Variants in CLU observed in about 807,000 individuals in gnomAD.
CLU encodes clusterin, also known as aging-associated protein 4.
A neutral mutation model predicts 46.4 loss-of-function variants in CLU; 25 were observed. The ratio of observed to expected loss-of-function variants is 0.54; its 90% confidence interval spans 0.39 to 0.75. The LOEUF is 0.75. Ranked by LOEUF, CLU falls within the 30% of genes least tolerant of loss-of-function variation. The pLI, the probability that CLU is intolerant of heterozygous loss-of-function variation, is 0.00. For synonymous variants in CLU, 235 were observed against 235.1 expected, an observed-to-expected ratio of 1.00 and a Z score of 0.00; for missense variants, 504 against 592.1, an observed-to-expected ratio of 0.85 and a Z score of 1.54.
intron 2 of CLU, 114 bp from the exon 3 acceptor site, chr8:27,609,200 G>A: frequency 8.8e-7 from 1 of 1,141,498 alleles, no homozygotes; most frequent in Admixed American, 1.7e-5. Context: ...GTCAAGGCTG[G>A]GACCCCCACT....
At position 27,597,370 on chromosome 8, in the gene CLU, C is replaced by G; in HGVS notation, c.*871G>C. 1 of 454,500 alleles carries G rather than the reference C, an allele frequency of 2.2e-6. No individual in the cohort carries two copies. The highest frequency in any genetic ancestry group is 1.6e-5 in the South Asian group (1 of 64,470). 28.2% of individuals were successfully genotyped at this position (454,500 alleles called of 1,614,324 possible). A position where few individuals can be genotyped will look rare whatever the true frequency, so the allele number is the denominator to read the frequency against. On this transcript the variant is annotated 3_prime_UTR_variant, in exon 9 of 9. Transcript: ENST00000316403. ...TACTGCAGCCCAGCTATGGTTCAGA[C>G]TAAAAGCCGAGAAACGCCTGTGGTC... is the stretch of plus-strand genomic sequence containing the variant.
At position 27,599,423 on chromosome 8, in the gene CLU, T is replaced by G. The variant is rs1279002834; in HGVS notation, c.1164+357A>C. 2.0e-5 allele frequency: 6 copies of G among 306,750 alleles called. No individual in the cohort carries two copies. Among genetic ancestry groups the G allele is most frequent in the Non-Finnish European group, 3.8e-5 (6 of 159,808 alleles). The allele number at this position is 306,750 out of a possible 1,614,324, so 19.0% of individuals were successfully genotyped here. On this transcript the variant is annotated intron_variant, in intron 7 of 8. Transcript: ENST00000316403. The surrounding 1 kb of genome is among the most constrained non-coding windows in gnomAD (Gnocchi z 4.0). ...CATTTTACATGCCAGAGGGCAGCCTTGTAGCTTTGAGAAAAGAACAGAGGC... is the reference window on the plus strand; with the variant it reads ...CATTTTACATGCCAGAGGGCAGCCTGGTAGCTTTGAGAAAAGAACAGAGGC...
chr8:27,614,356 T>C (rs983735347), intron 1 of CLU: 4 of 213,958 alleles, frequency 1.9e-5, no homozygotes, highest in Non-Finnish European at 2.8e-5. Context: ...GGTCTCCAGG[T>C]CTCAGTTTCC....
intron 1 of CLU, 102 bp from the exon 2 acceptor site, chr8:27,610,702 C>T: frequency 1.2e-6 from 1 of 845,468 alleles, no homozygotes; most frequent in Non-Finnish European, 2.0e-6. Flanking sequence ...CTGCCCTCAG[C>T]TGTCCCCACA....
chr8:27,612,794 G>A (rs1026614928), intron 1 of CLU, among the ~76,000 whole-genome samples: 1 of 151,928 alleles, frequency 6.6e-6, no homozygotes, highest in African/African-American at 2.4e-5. Context: ...CTGGGTGGAA[G>A]AGCCATGCCA....
chr8:27,597,622 C>T lies in CLU; in HGVS notation c.*619G>A, dbSNP rs998140547. On this transcript the variant is annotated 3_prime_UTR_variant, in exon 9 of 9. Coordinates refer to ENST00000316403, the MANE Select transcript of CLU (RefSeq NM_001831.4). ...ATTATGCATTATAATACCAAGTACA[C>T]CTTACACTTACTGATTCTTCTCCTT... 2.6e-5 allele frequency: 12 copies of T among 454,004 alleles called. No homozygotes were observed. The highest frequency in any genetic ancestry group is 2.2e-4 in the African/African-American group (11 of 49,998). The allele number at this position is 454,004 out of a possible 1,614,324, so 28.1% of individuals were successfully genotyped here. A position where few individuals can be genotyped will look rare whatever the true frequency, so the allele number is the denominator to read the frequency against.
intron 5 of CLU, 84 bp from the exon 6 acceptor site, chr8:27,604,479 T>C: frequency 8.8e-7 from 1 of 1,138,450 alleles, no homozygotes; most frequent in South Asian, 1.3e-5. Context: ...TTTTTATTTA[T>C]TTTTTAATTT....
Position 27,597,367 on chromosome 8 carries a change from A to G in CLU, c.*874T>C. 2.2e-6 allele frequency: 1 copy of G among 454,564 alleles called. No homozygotes were observed. The highest frequency in any genetic ancestry group is 1.6e-5 in the South Asian group (1 of 64,480). The allele number at this position is 454,564 out of a possible 1,614,324, so 28.2% of individuals were successfully genotyped here. A position where few individuals can be genotyped will look rare whatever the true frequency, so the allele number is the denominator to read the frequency against. On this transcript the variant is annotated 3_prime_UTR_variant, in exon 9 of 9. Coordinates refer to ENST00000316403, the MANE Select transcript of CLU (RefSeq NM_001831.4). ...GGGTACTGCAGCCCAGCTATGGTTC[A>G]GACTAAAAGCCGAGAAACGCCTGTG...
In CLU at chr8:27,608,962, T is replaced by C; in HGVS notation, c.222A>G (p.Leu74=). ...NEERKTLLSN[L]EEAKKKKEDA... is the part of the protein sequence containing the mutation. ...CCTCTTTCTTCTTCTTGGCTTCTTC[T>C]AGGTTGCTGAGCAGTGTCTTGCGCT... The change falls in exon 3 of 9, where the codon CTA becomes CTG. Residue 74 remains leucine, a synonymous_variant. Coordinates refer to ENST00000316403, the MANE Select transcript of CLU (RefSeq NM_001831.4). 6.2e-7 allele frequency: 1 copy of C among 1,614,230 alleles called. No homozygotes were observed. The highest frequency in any genetic ancestry group is 8.5e-7 in the Non-Finnish European group (1 of 1,180,038).
intron 4 of CLU, among the ~76,000 whole-genome samples, chr8:27,605,872 C>CAA (rs59175151): frequency 8.1e-5 from 12 of 147,948 alleles, no homozygotes; most frequent in African/African-American, 2.5e-4. Flanking sequence ...CCCATGTTTA[C>CAA]AAAAAAAAAA....
chr8:27,598,572 A>G lies in CLU; in HGVS notation c.1228T>C (p.Phe410Leu). 1 of 1,614,218 alleles carries G rather than the reference A, an allele frequency of 6.2e-7. No individual in the cohort carries two copies. The highest frequency in any genetic ancestry group is 1.1e-5 in the South Asian group (1 of 91,092). Reference sequence around the variant, plus strand: ...GTCACAGTGATGGGATCAGAGTCAAAGAGCTTCACGACCACCTCAGTGACA... The same window carrying G: ...GTCACAGTGATGGGATCAGAGTCAAGGAGCTTCACGACCACCTCAGTGACA... ...SGVTEVVVKL[F>L]DSDPITVTVP... Residue 410 changes from phenylalanine to leucine, a missense_variant, in exon 8 of 9, where the codon TTT becomes CTT. Physicochemically the swap from Phe to Leu is conservative, Grantham distance 22. Around this residue, in one of 3 missense-constraint regions of CLU, gnomAD observed 428 missense variants for 484.0 expected, o/e 0.88. Transcript: ENST00000316403.
At chr8:27,604,839 C>A in intron 5 of CLU, 85 bp downstream of exon 5, 1 of 1,469,490 alleles carries the variant, frequency 6.8e-7, no homozygotes, top group Non-Finnish European at 9.5e-7. Context: ...GGAGAAAAAT[C>A]GAGATGACAC....
chr8:27,610,544 C>G lies in CLU; in HGVS notation c.28G>C (p.Gly10Arg). The change falls in exon 2 of 9, where the codon GGG (glycine) becomes CGG (arginine). Residue 10 changes from glycine to arginine, a missense_variant. This residue lies in a region of CLU where 73 missense variants were observed against 91.2 expected (regional missense o/e 0.80). Coordinates refer to ENST00000316403, the MANE Select transcript of CLU (RefSeq NM_001831.4). MMKTLLLFV[G>R]LLLTWESGQV... ...CCACTCTCCCAGGTCAGCAGCAGCC[C>G]CACAAACAGCAGCAGAGTCTTCATC... 6.2e-7 allele frequency: 1 copy of G among 1,614,220 alleles called. No homozygotes were observed. The highest frequency in any genetic ancestry group is 8.5e-7 in the Non-Finnish European group (1 of 1,180,030).
Position 27,604,151 on chromosome 8 carries a change from G to A in CLU, c.934+140C>T, listed in dbSNP as rs192011917. The A allele has an allele frequency of 7.3e-4, 523 of 712,638 alleles. 2 individuals carry two copies. The highest frequency in any genetic ancestry group is 1.0e-3 in the Non-Finnish European group (397 of 397,016). 44.1% of individuals were successfully genotyped at this position (712,638 alleles called of 1,614,324 possible). A position where few individuals can be genotyped will look rare whatever the true frequency, so the allele number is the denominator to read the frequency against. Reference sequence around the variant, plus strand: ...CTGCATGAGGCTCAGGACCTGCCCCGGGACACAGCTCAAAGGCTGCAGAGC... The same window carrying A: ...CTGCATGAGGCTCAGGACCTGCCCCAGGACACAGCTCAAAGGCTGCAGAGC... On this transcript the variant is annotated intron_variant, in intron 6 of 8. Coordinates refer to ENST00000316403, the MANE Select transcript of CLU (RefSeq NM_001831.4).
intron 7 of CLU, 73 bp from the exon 8 acceptor site, chr8:27,598,708 A>G: frequency 6.8e-7 from 1 of 1,465,972 alleles, no homozygotes; most frequent in South Asian, 1.1e-5. Flanking sequence ...AACAGAAGTC[A>G]GGCTTCTGAT....
intron 3 of CLU, among the ~76,000 whole-genome samples, chr8:27,607,193 C>T (rs1226674237): frequency 1.3e-5 from 2 of 152,120 alleles, no homozygotes; most frequent in African/African-American, 2.4e-5. Flanking sequence ...CAAAAATTAG[C>T]TGGTGTGGTG....
At chr8:27,606,860 T>C (rs1253799103) in intron 3 of CLU, among the ~76,000 whole-genome samples, 1 of 152,240 alleles carries the variant, frequency 6.6e-6, no homozygotes, top group Non-Finnish European at 1.5e-5. Context: ...TCATTTCCTA[T>C]TCTCTGCTTC....
intron 1 of CLU, among the ~76,000 whole-genome samples, chr8:27,612,212 T>C (rs1314366490): frequency 6.6e-6 from 1 of 152,150 alleles, no homozygotes; most frequent in Admixed American, 6.5e-5. Flanking sequence ...AGAGAGGGCA[T>C]GGGACTCCCT....
At chr8:27,601,120 C>G (rs1357024341) in intron 6 of CLU, among the ~76,000 whole-genome samples, 1 of 152,216 alleles carries the variant, frequency 6.6e-6, no homozygotes, top group East Asian at 1.9e-4. Flanking sequence ...GCGAGCTCAG[C>G]TCACTGCAAC....
Sources: gnomAD v4.1 joint callset for allele counts (sites outside exome capture counted in the v4.1 genomes callset) on GRCh38, gnomAD v4.1.1 for gene constraint, gnomAD v4.1.1 regional missense constraint, Gnocchi (gnomAD v3.1) non-coding constraint, MANE v1.5 for transcripts, NCBI Gene and HGNC (gene_info 2026-07-23, HGNC 2026-07-21) for gene names.